The following ERBB4 variants were observed in gnomAD, a reference collection of about 807,000 sequenced individuals.
ERBB4 encodes the protein erb-b2 receptor tyrosine kinase 4, also known as receptor tyrosine-protein kinase erbB-4.
In ERBB4, 42 loss-of-function variants were observed where a neutral mutation model predicts 158.0. That is an observed-to-expected ratio of 0.27 (90% CI 0.21 to 0.34). The LOEUF is 0.34. Ranked by LOEUF, ERBB4 falls within the 10% of genes least tolerant of loss-of-function variation. The pLI, the probability that ERBB4 is intolerant of heterozygous loss-of-function variation, is 1.00. For missense variants in ERBB4, 1,333 were observed against 1,624.1 expected, an observed-to-expected ratio of 0.82 and a Z score of 3.08; for synonymous variants, 583 against 558.7, an observed-to-expected ratio of 1.04 and a Z score of -0.61.
intron 1 of ERBB4, among the ~76,000 whole-genome samples, chr2:212,524,373 T>C (rs563584315): frequency 3.9e-5 from 6 of 152,008 alleles, no homozygotes; most frequent in Admixed American, 1.3e-4. Context: ...CAGCAGCTAA[T>C]ACCTTGCCAG....
intron 3 of ERBB4, among the ~76,000 whole-genome samples, chr2:211,811,672 C>T (rs1559539697): frequency 1.3e-5 from 2 of 152,018 alleles, no homozygotes; most frequent in African/African-American, 2.4e-5. Context: ...AGATTTGGTC[C>T]TTTCACATAG....
intron 1 of ERBB4, among the ~76,000 whole-genome samples, chr2:212,164,927 C>T (rs13009607): frequency 0.62 from 93,562 of 151,400 alleles, 30,177 homozygotes; most frequent in African/African-American, 0.71. Context: ...GAACTACTTG[C>T]CCTTATGGAC....
intron 20 of ERBB4, among the ~76,000 whole-genome samples, chr2:211,547,434 A>G (rs2066972713): frequency 6.6e-6 from 1 of 152,118 alleles, no homozygotes; most frequent in Non-Finnish European, 1.5e-5. Context: ...CCAGATTACT[A>G]TAAACATCTT....
intron 3 of ERBB4, among the ~76,000 whole-genome samples, chr2:211,920,358 G>A (rs1020397437): frequency 6.6e-6 from 1 of 151,852 alleles, no homozygotes; most frequent in African/African-American, 2.4e-5. Context: ...TACTAAAATT[G>A]AACCTATGTA....
intron 20 of ERBB4, among the ~76,000 whole-genome samples, chr2:211,515,563 A>G (rs2066000377): frequency 6.6e-6 from 1 of 152,060 alleles, no homozygotes; most frequent in Admixed American, 6.5e-5. Flanking sequence ...AGTTAGACAC[A>G]TTGAATATGC....
intron 14 of ERBB4, among the ~76,000 whole-genome samples, chr2:211,670,662 T>G (rs1269550486): frequency 6.6e-6 from 1 of 152,128 alleles, no homozygotes; most frequent in African/African-American, 2.4e-5. Flanking sequence ...TTAAGTACAT[T>G]GAGCAATTCA....
intron 1 of ERBB4, among the ~76,000 whole-genome samples, chr2:212,443,215 T>C (rs549007304): frequency 1.3e-5 from 2 of 152,228 alleles, no homozygotes; most frequent in African/African-American, 4.8e-5. Flanking sequence ...TGTCATAATC[T>C]TATTCTGACA....
intron 1 of ERBB4, among the ~76,000 whole-genome samples, chr2:212,151,732 T>C (rs940006727): frequency 6.6e-6 from 1 of 151,648 alleles, no homozygotes; most frequent in Non-Finnish European, 1.5e-5. Flanking sequence ...CTACTAAAAA[T>C]ACAAAAACCA....
rs572827555 is a variant in ERBB4, at chr2:211,512,602, T to C, written c.2487+49301A>G. Reference sequence around the variant, plus strand: ...CTTTGAACATACACAAATTTCCCCCTTCTAATCAATTAAAAAATGCCATTT... The same window carrying C: ...CTTTGAACATACACAAATTTCCCCCCTCTAATCAATTAAAAAATGCCATTT... On this transcript the variant is annotated intron_variant, in intron 20 of 27. Transcript: ENST00000342788. 2.2e-4 allele frequency among the ~76,000 whole-genome samples: 34 copies of C among 152,226 alleles called. No individual in the cohort carries two copies. In the South Asian group the frequency reaches 6.6e-3, roughly 30 times the overall value.
chr2:211,585,415 T>G (rs187787717), intron 19 of ERBB4, among the ~76,000 whole-genome samples: 49 of 152,202 alleles, frequency 3.2e-4, no homozygotes, highest in African/African-American at 8.9e-4. Context: ...AATGTGTTGT[T>G]TAAAGCCAAA....
chr2:211,484,974 T>C (rs1192063246), intron 20 of ERBB4, among the ~76,000 whole-genome samples: 2 of 152,112 alleles, frequency 1.3e-5, no homozygotes, highest in Admixed American at 1.3e-4. Context: ...TTCTCACATA[T>C]TTAAAAATGT....
At chr2:211,663,432 A>C (rs184027961) in intron 15 of ERBB4, among the ~76,000 whole-genome samples, 1 of 152,240 alleles carries the variant, frequency 6.6e-6, no homozygotes. Context: ...AAATTGCTAA[A>C]GGTGTCTTTT....
intron 3 of ERBB4, among the ~76,000 whole-genome samples, chr2:211,845,390 A>G (rs1363287882): frequency 1.3e-5 from 2 of 152,138 alleles, no homozygotes; most frequent in Non-Finnish European, 2.9e-5. Flanking sequence ...TCATGAGACG[A>G]TATTAACACC....
intron 12 of ERBB4, among the ~76,000 whole-genome samples, chr2:211,690,659 A>G (rs2105995523): frequency 6.6e-6 from 1 of 152,320 alleles, no homozygotes; most frequent in East Asian, 1.9e-4. Context: ...ATCTCCACAT[A>G]GCATAGAACA....
intron 2 of ERBB4, among the ~76,000 whole-genome samples, chr2:211,982,691 AC>A (rs1317279765): frequency 6.6e-6 from 1 of 152,150 alleles, no homozygotes; most frequent in Non-Finnish European, 1.5e-5. Context: ...TAGGGCTCTG[AC>A]CCTTTATCCT....
intron 1 of ERBB4, among the ~76,000 whole-genome samples, chr2:212,526,459 A>G (rs1692451768): frequency 6.6e-6 from 1 of 152,084 alleles, no homozygotes; most frequent in African/African-American, 2.4e-5. Context: ...CCACTAAAGA[A>G]TTATATCTGA....
intron 3 of ERBB4, among the ~76,000 whole-genome samples, chr2:211,812,184 A>G (rs772258256): frequency 1.3e-5 from 2 of 152,082 alleles, no homozygotes; most frequent in Non-Finnish European, 2.9e-5. Context: ...TTGGTCTTTG[A>G]TGATGGTGAC....
At chr2:212,266,469 T>C (rs140343991) in intron 1 of ERBB4, among the ~76,000 whole-genome samples, 1 of 152,078 alleles carries the variant, frequency 6.6e-6, no homozygotes, top group East Asian at 1.9e-4. Flanking sequence ...TCTTTCTTAG[T>C]GGGCTCTAAA....
intron 1 of ERBB4, among the ~76,000 whole-genome samples, chr2:212,261,833 A>T (rs2084957562): frequency 6.6e-6 from 1 of 152,152 alleles, no homozygotes; most frequent in South Asian, 2.1e-4. Flanking sequence ...ATTATAAAAG[A>T]AAAGTTAAAA....
Sources: gnomAD v4.1 joint callset for allele counts (sites outside exome capture counted in the v4.1 genomes callset) on GRCh38, gnomAD v4.1.1 for gene constraint, MANE v1.5 for transcripts, NCBI Gene and HGNC (gene_info 2026-07-23, HGNC 2026-07-21) for gene names.